TASP1: variants seen among roughly 807,000 people sequenced by gnomAD.
The protein encoded by TASP1 is taspase 1.
A neutral mutation model predicts 56.6 loss-of-function variants in TASP1; 16 were observed. The ratio of observed to expected loss-of-function variants is 0.28; its 90% CI spans 0.19 to 0.43. The LOEUF (loss-of-function observed/expected upper bound fraction) is 0.43. Ranked by LOEUF, TASP1 falls within the 20% of genes least tolerant of loss-of-function variation. The pLI, the probability that TASP1 is intolerant of heterozygous loss-of-function variation, is 1.00. For synonymous variants in TASP1, 179 were observed against 184.2 expected, an observed-to-expected ratio of 0.97 and a Z score of 0.23; for missense variants, 393 against 511.6, an observed-to-expected ratio of 0.77 and a Z score of 2.24.
chr20:13,121,618 C>T, the TASP1 span, among the ~76,000 whole-genome samples: 1 of 152,170 alleles, frequency 6.6e-6, no homozygotes, highest in Non-Finnish European at 1.5e-5. Context: ...CCAGACTCGC[C>T]TTGCAAAAGA....
rs2043704246 is a variant in TASP1 at position 13,495,890 on chromosome 20, TCA to T, written c.875-12555_875-12554del. ...AAGATATATCTTGGACTAAAATGTT[TCA>T]TATAGTCTCAGGAAATTCACAGAAT... On this transcript the variant is annotated intron_variant, in intron 10 of 13. Coordinates refer to ENST00000337743, the MANE Select transcript of TASP1 (RefSeq NM_017714.3). 4.6e-5 allele frequency among the ~76,000 whole-genome samples: 7 copies of T among 152,280 alleles called. No individual in the cohort carries two copies. The South Asian group carries it at 1.5e-3, about 32-fold the overall frequency.
At chr20:13,183,673 A>C in the TASP1 span, among the ~76,000 whole-genome samples, 1 of 152,224 alleles carries the variant, frequency 6.6e-6, no homozygotes, top group Non-Finnish European at 1.5e-5. Context: ...ACTATTTTGA[A>C]AAATAACAAT....
chr20:13,145,245 G>A, the TASP1 span, among the ~76,000 whole-genome samples: 1 of 152,090 alleles, frequency 6.6e-6, no homozygotes, highest in Non-Finnish European at 1.5e-5. Context: ...AAACCCCATA[G>A]TACTGGCCCC....
chr20:13,474,320 T>C (rs2044638271), intron 11 of TASP1, among the ~76,000 whole-genome samples: 1 of 152,190 alleles, frequency 6.6e-6, no homozygotes, highest in Admixed American at 6.5e-5. Flanking sequence ...CAAAGTCCAT[T>C]ATATCACTCT....
chr20:13,341,863 T>C, the TASP1 span, among the ~76,000 whole-genome samples: 4 of 152,308 alleles, frequency 2.6e-5, no homozygotes, highest in African/African-American at 9.6e-5. Flanking sequence ...CATCTGGTAG[T>C]TGGATGGCTA....
At chr20:13,364,287 G>GCAAAA in the TASP1 span, among the ~76,000 whole-genome samples, 1 of 152,168 alleles carries the variant, frequency 6.6e-6, no homozygotes, top group East Asian at 1.9e-4. Flanking sequence ...ATTATAAAAT[G>GCAAAA]TTTGATGATG....
intron 10 of TASP1, among the ~76,000 whole-genome samples, chr20:13,524,057 G>A (rs571273784): frequency 1.3e-5 from 2 of 152,178 alleles, no homozygotes; most frequent in South Asian, 2.1e-4. Flanking sequence ...GCTGAGGCAG[G>A]AGGATCACTT....
intron 11 of TASP1, among the ~76,000 whole-genome samples, chr20:13,477,041 A>G (rs894529693): frequency 6.6e-6 from 1 of 152,158 alleles, no homozygotes; most frequent in African/African-American, 2.4e-5. Flanking sequence ...AATATTCTAA[A>G]TCATTAAGAA....
chr20:13,438,856 G>GA (rs2043111221), intron 11 of TASP1, among the ~76,000 whole-genome samples: 1 of 152,152 alleles, frequency 6.6e-6, no homozygotes, highest in Non-Finnish European at 1.5e-5. Flanking sequence ...GATATGAACA[G>GA]ACACTTCTCA....
intron 7 of TASP1, among the ~76,000 whole-genome samples, chr20:13,568,091 C>G (rs1433775756): frequency 2.6e-5 from 4 of 152,166 alleles, no homozygotes; most frequent in Non-Finnish European, 5.9e-5. Context: ...ACACACATTT[C>G]TCTTCCCTCT....
intron 4 of TASP1, among the ~76,000 whole-genome samples, chr20:13,612,925 G>A (rs187778534): frequency 2.6e-4 from 40 of 152,124 alleles, no homozygotes; most frequent in Middle Eastern, 6.8e-3. Context: ...CTCCCAGCAC[G>A]CCCATTCACC....
chr20:13,189,037 T>C, the TASP1 span, among the ~76,000 whole-genome samples: 5 of 152,220 alleles, frequency 3.3e-5, no homozygotes, highest in African/African-American at 9.6e-5. Flanking sequence ...TATGTCACTT[T>C]ACGTTTTTTG....
the TASP1 span, among the ~76,000 whole-genome samples, chr20:13,207,376 C>T: frequency 6.6e-6 from 1 of 152,196 alleles, no homozygotes; most frequent in Non-Finnish European, 1.5e-5. Flanking sequence ...GTGTATTAAT[C>T]GGGTCCTCCA....
Position 13,405,513 on chromosome 20 carries a change from T to G in TASP1, c.1170+11935A>C, listed in dbSNP as rs575953353. Among the ~76,000 whole-genome samples, 109 of 152,310 alleles carry G rather than the reference T, an allele frequency of 7.2e-4. 1 individual carries two copies. Among genetic ancestry groups the G allele is most frequent in the African/African-American group, 2.4e-3 (98 of 41,582 alleles). ...ACACTGCTGGTGATTATTCTGGCCCTCCACATTGAATAAAATTTGGTTTAT... is the reference window on the plus strand; with the variant it reads ...ACACTGCTGGTGATTATTCTGGCCCGCCACATTGAATAAAATTTGGTTTAT... On this transcript the variant is annotated intron_variant, in intron 13 of 13. Coordinates refer to ENST00000337743, the MANE Select transcript of TASP1 (RefSeq NM_017714.3).
At chr20:13,498,917 A>G (rs543327559) in intron 10 of TASP1, among the ~76,000 whole-genome samples, 10 of 152,166 alleles carry the variant, frequency 6.6e-5, no homozygotes, top group African/African-American at 2.2e-4. Context: ...TTCTTCTCAA[A>G]GAACTAAAAA....
At chr20:13,485,225 CA>C (rs1403984245) in intron 10 of TASP1, among the ~76,000 whole-genome samples, 2 of 152,122 alleles carry the variant, frequency 1.3e-5, no homozygotes, top group African/African-American at 4.8e-5. Context: ...ATAGGTAAAA[CA>C]CTGCCTTTGA....
At chr20:13,281,408 G>A in the TASP1 span, among the ~76,000 whole-genome samples, 1 of 152,164 alleles carries the variant, frequency 6.6e-6, no homozygotes, top group Non-Finnish European at 1.5e-5. Context: ...AGGAAAGACG[G>A]GATAATAGCC....
At chr20:13,321,275 A>AAAAAAAAT in the TASP1 span, among the ~76,000 whole-genome samples, 1 of 150,522 alleles carries the variant, frequency 6.6e-6, no homozygotes, top group Non-Finnish European at 1.5e-5. Context: ...AAAAAAAAAA[A>AAAAAAAAT]AGATTTTATG....
At chr20:13,636,568 A>C (rs1284865493) in intron 1 of TASP1, among the ~76,000 whole-genome samples, 1 of 152,166 alleles carries the variant, frequency 6.6e-6, no homozygotes, top group African/African-American at 2.4e-5. Context: ...CTTCTGAGAA[A>C]ACTTTCTACC....
Sources: allele counts gnomAD v4.1 joint callset (sites outside exome capture counted in the v4.1 genomes callset), GRCh38; gene constraint gnomAD v4.1.1; transcripts MANE v1.5; gene names NCBI Gene and HGNC (gene_info 2026-07-23, HGNC 2026-07-21).